PLPPR4: variants seen among roughly 807,000 people sequenced by gnomAD.
PLPPR4 encodes phospholipid phosphatase-related protein type 4.
In PLPPR4, 24 loss-of-function variants were observed where a neutral mutation model predicts 56.6. The observed-to-expected ratio is 0.42, with a 90% CI of 0.31 to 0.60. The LOEUF is 0.60. PLPPR4 is among the 20% of genes least tolerant of loss of function. The pLI is 0.13. For missense variants in PLPPR4, 654 were observed against 885.8 expected, an observed-to-expected ratio of 0.74 and a Z score of 3.32; for synonymous variants, 326 against 328.1, an observed-to-expected ratio of 0.99 and a Z score of 0.07.
At position 99,306,830 on chromosome 1, in the gene PLPPR4, C is replaced by T. The variant is rs1444574680; in HGVS notation, c.1968C>T (p.Arg656=). ...ACCACCACGGAATTACCACCATCCG[C>T]GTCACCCCAGTAGAGGGCAGCGAAA... is the stretch of plus-strand genomic sequence containing the variant. ...EHHHHGITTI[R]VTPVEGSEIG... is the part of the protein sequence containing the mutation. Residue 656 remains arginine, a synonymous_variant, in exon 7 of 7, where the codon CGC becomes CGT. Coordinates refer to ENST00000370185, the MANE Select transcript of PLPPR4 (RefSeq NM_014839.5). The surrounding 1 kb of genome is among the most constrained non-coding windows in gnomAD (Gnocchi z 4.0). 6.2e-7 allele frequency: 1 copy of T among 1,614,096 alleles called. No individual in the cohort carries two copies. Among genetic ancestry groups the T allele is most frequent in the African/African-American group, 1.3e-5 (1 of 75,046 alleles).
In PLPPR4 at chr1:99,295,056, C is replaced by T. The variant is rs547347671; in HGVS notation, c.265-1682C>T. 3.3e-5 allele frequency among the ~76,000 whole-genome samples: 5 copies of T among 152,270 alleles called. No individual in the cohort carries two copies. The East Asian group carries it at 9.6e-4, about 29-fold the overall frequency. The stretch of plus-strand genomic sequence containing the variant: ...ACAGAGTATAGAACCTATTGAATTT[C>T]TATGTCTAACTTGAAGTGCTAATGT... On this transcript the variant is annotated intron_variant, in intron 2 of 6. Coordinates refer to ENST00000370185, the MANE Select transcript of PLPPR4 (RefSeq NM_014839.5).
intron 2 of PLPPR4, among the ~76,000 whole-genome samples, chr1:99,290,946 A>T (rs961169942): frequency 6.6e-6 from 1 of 152,206 alleles, no homozygotes; most frequent in Non-Finnish European, 1.5e-5. Flanking sequence ...GAAAAATGGG[A>T]TCCAATTAAA....
intron 1 of PLPPR4, among the ~76,000 whole-genome samples, chr1:99,284,066 T>C (rs1219320069): frequency 6.6e-6 from 1 of 152,180 alleles, no homozygotes; most frequent in Admixed American, 6.5e-5. Flanking sequence ...AAAAATCTCT[T>C]TAAATCTCAT....
intron 1 of PLPPR4, among the ~76,000 whole-genome samples, chr1:99,267,493 A>T (rs895883790): frequency 6.6e-6 from 1 of 152,214 alleles, no homozygotes; most frequent in African/African-American, 2.4e-5. Flanking sequence ...TAGAATTTAC[A>T]TAATATAAAT....
chr1:99,299,736 T>C (rs1659833207), intron 4 of PLPPR4, among the ~76,000 whole-genome samples: 1 of 151,974 alleles, frequency 6.6e-6, no homozygotes, highest in African/African-American at 2.4e-5. Context: ...TGCCCCAGAC[T>C]CTGTGACATA....
chr1:99,289,502 T>A (rs1014665520), intron 2 of PLPPR4, among the ~76,000 whole-genome samples: 10 of 152,100 alleles, frequency 6.6e-5, no homozygotes, highest in Non-Finnish European at 1.5e-4. Flanking sequence ...TATTCTATAG[T>A]GACTGTCACA....
Position 99,306,806 on chromosome 1 carries a change from C to A in PLPPR4, c.1944C>A (p.His648Gln). 1 of 1,614,048 alleles carries A rather than the reference C, an allele frequency of 6.2e-7. No homozygotes were observed. Among genetic ancestry groups the A allele is most frequent in the Non-Finnish European group, 8.5e-7 (1 of 1,180,000 alleles). The change falls in exon 7 of 7, where the codon CAC becomes CAA. Residue 648 changes from histidine (H) to glutamine (Q), a missense_variant. Coordinates refer to ENST00000370185, the MANE Select transcript of PLPPR4 (RefSeq NM_014839.5). The surrounding 1 kb of genome is among the most constrained non-coding windows in gnomAD (Gnocchi z 4.0). The stretch of plus-strand genomic sequence containing the variant: ...GCAACATTGATAGCAATGAGCATCA[C>A]CACCACGGAATTACCACCATCCGCG... ...KRSNIDSNEH[H>Q]HHGITTIRVT...
At chr1:99,283,386 T>C (rs1659379423) in intron 1 of PLPPR4, among the ~76,000 whole-genome samples, 1 of 152,174 alleles carries the variant, frequency 6.6e-6, no homozygotes, top group Non-Finnish European at 1.5e-5. Context: ...CTAGATAAAA[T>C]ATCATGATAG....
intron 4 of PLPPR4, among the ~76,000 whole-genome samples, chr1:99,299,776 T>G (rs1659836676): frequency 6.6e-6 from 1 of 151,656 alleles, no homozygotes; most frequent in South Asian, 2.1e-4. Flanking sequence ...TGAACCCGGG[T>G]GTGCATAGCT....
At position 99,294,670 on chromosome 1, in the gene PLPPR4, T is replaced by C. The variant is rs1570919766; in HGVS notation, c.265-2068T>C. On this transcript the variant is annotated intron_variant, in intron 2 of 6. Coordinates refer to ENST00000370185, the MANE Select transcript of PLPPR4 (RefSeq NM_014839.5). ...AAGATCACACCATTGCACTCCAGCC[T>C]GGCCTGCAGAGCAAGACTCAGTCTC... 2.1e-5 allele frequency among the ~76,000 whole-genome samples: 3 copies of C among 144,368 alleles called. No homozygotes were observed. The East Asian group carries it at 6.1e-4, about 30-fold the overall frequency. The allele number at this position is 144,368 out of a possible 152,430, so 94.7% of individuals were successfully genotyped here. A position where few individuals can be genotyped will look rare whatever the true frequency, so the allele number is the denominator to read the frequency against.
intron 1 of PLPPR4, among the ~76,000 whole-genome samples, chr1:99,274,943 T>C (rs534205383): frequency 1.1e-3 from 168 of 152,276 alleles, no homozygotes; most frequent in African/African-American, 3.9e-3. Context: ...TTTCTAAAAA[T>C]GATGAATAAA....
intron 1 of PLPPR4, among the ~76,000 whole-genome samples, chr1:99,277,238 C>T (rs1379627292): frequency 6.6e-6 from 1 of 152,122 alleles, no homozygotes; most frequent in Non-Finnish European, 1.5e-5. Context: ...TCACTTGTTA[C>T]AGTTCTTTGA....
chr1:99,264,710 T>C (rs763433821), intron 1 of PLPPR4, 39 bp downstream of exon 1: 8 of 1,545,120 alleles, frequency 5.2e-6, no homozygotes, highest in Middle Eastern at 1.7e-4. Flanking sequence ...GCAGATCCTC[T>C]GGGCATCTCC....
rs762538063 is a variant in PLPPR4, at chr1:99,296,900, C to T, written c.394+33C>T. ...TGGGGAACCACAAAGAAAAGAAATG[C>T]TTTTTTTTTTATATTGAAATGTTAT... On this transcript the variant is annotated intron_variant, in intron 3 of 6. Transcript: ENST00000370185. 1.3e-5 allele frequency: 18 copies of T among 1,381,876 alleles called. No individual in the cohort carries two copies. The African/African-American group carries it at 1.6e-4, about 13-fold the overall frequency. 85.6% of individuals were successfully genotyped at this position (1,381,876 alleles called of 1,614,324 possible). A position where few individuals can be genotyped will look rare whatever the true frequency, so the allele number is the denominator to read the frequency against.
intron 2 of PLPPR4, among the ~76,000 whole-genome samples, chr1:99,294,078 C>T (rs1659684533): frequency 6.8e-6 from 1 of 147,692 alleles, no homozygotes; most frequent in Non-Finnish European, 1.5e-5. Context: ...CACCATACCT[C>T]AGTACAACAC....
chr1:99,282,768 C>T (rs712889), intron 1 of PLPPR4, among the ~76,000 whole-genome samples: 42,254 of 151,400 alleles, frequency 0.28, 6,143 homozygotes, highest in East Asian at 0.34. Flanking sequence ...TGATTATGGT[C>T]TTTACCTGGT....
intron 6 of PLPPR4, among the ~76,000 whole-genome samples, chr1:99,302,921 A>G (rs145690854): frequency 0.018 from 2,802 of 151,610 alleles, 106 homozygotes; most frequent in African/African-American, 0.064. Flanking sequence ...TCATTGTTGG[A>G]CATTTGGGTT....
intron 2 of PLPPR4, among the ~76,000 whole-genome samples, chr1:99,292,614 C>T (rs984397215): frequency 1.3e-5 from 2 of 152,188 alleles, no homozygotes; most frequent in Admixed American, 1.3e-4. Flanking sequence ...CCCTATATCA[C>T]TTCAGGATAC....
At chr1:99,274,592 T>C (rs774612513) in intron 1 of PLPPR4, among the ~76,000 whole-genome samples, 6 of 152,104 alleles carry the variant, frequency 3.9e-5, no homozygotes, top group Admixed American at 1.3e-4. Context: ...ACAACAAATA[T>C]TTACTGGAAT....
Sources: allele counts gnomAD v4.1 joint callset (sites outside exome capture counted in the v4.1 genomes callset), GRCh38; gene constraint gnomAD v4.1.1; non-coding constraint Gnocchi (gnomAD v3.1); transcripts MANE v1.5; gene names NCBI Gene and HGNC (gene_info 2026-07-23, HGNC 2026-07-21).